Variants in DNAH11 observed in about 807,000 individuals in gnomAD.
DNAH11 encodes the protein dynein axonemal heavy chain 11.
In DNAH11, 442 loss-of-function variants were observed where a neutral mutation model predicts 526.0. The ratio of observed to expected loss-of-function variants is 0.84; its 90% CI spans 0.78 to 0.91. The LOEUF (loss-of-function observed/expected upper bound fraction) is 0.91. Among genes scored for constraint, DNAH11 ranks in the 40% least tolerant of loss-of-function variants. The pLI is 0.00. For synonymous variants in DNAH11, 2,461 were observed against 1,935.9 expected (o/e 1.27, Z -7.12); for missense variants, 6,989 against 5,448.7 (o/e 1.28, Z -8.90).
chr7:21,570,447 T>C, intron 7 of DNAH11, 148 bp downstream of exon 7: 1 of 596,206 alleles, frequency 1.7e-6, no homozygotes, highest in Non-Finnish European at 2.8e-6. Context: ...AGCAGGCCAA[T>C]GCTATGATGA....
intron 79 of DNAH11, among the ~76,000 whole-genome samples, chr7:21,896,312 A>C (rs1043116741): frequency 1.3e-5 from 2 of 152,078 alleles, no homozygotes; most frequent in South Asian, 2.1e-4. Flanking sequence ...GTGTTTCTGA[A>C]ACTGTCCTCA....
chr7:21,577,501 G>C (rs1784142037), intron 8 of DNAH11, among the ~76,000 whole-genome samples: 1 of 152,160 alleles, frequency 6.6e-6, no homozygotes, highest in South Asian at 2.1e-4. Flanking sequence ...CACCCAGCCT[G>C]ATGTTGGAGC....
chr7:21,750,230 C>G lies in DNAH11; in HGVS notation c.8806C>G (p.Pro2936Ala). The G allele has an allele frequency of 6.2e-7, 1 of 1,601,950 alleles. No homozygotes were observed. The highest frequency in any genetic ancestry group is 8.5e-7 in the Non-Finnish European group (1 of 1,174,862). The change falls in exon 54 of 82, where the codon CCA (proline) becomes GCA (alanine). Residue 2936 changes from proline to alanine, a missense_variant. Physicochemically the swap from Pro to Ala is conservative, Grantham distance 27. Coordinates refer to ENST00000409508, the MANE Select transcript of DNAH11 (RefSeq NM_001277115.2). Reference protein sequence around the residue: ...INDLLASGEIPDLFSDEDVDK... With the variant: ...INDLLASGEIADLFSDEDVDK... Reference sequence around the variant, plus strand: ...CTCATTCTTTGGGGCAGGAGAAATCCCAGATCTGTTCAGCGATGAAGATGT... The same window carrying G: ...CTCATTCTTTGGGGCAGGAGAAATCGCAGATCTGTTCAGCGATGAAGATGT...
Position 21,658,879 on chromosome 7 carries a change from G to A in DNAH11, c.5176G>A (p.Glu1726Lys), listed in dbSNP as rs373580829. The part of the protein sequence containing the change: ...HSITEAIVAY[E>K]EKPRELWIFD... ...TATAACAGAAGCCATAGTGGCCTAC[G>A]AGGAAAAACCTAGGGAACTGTGGAT... Residue 1726 changes from glutamate (E) to lysine (K), a missense_variant, in exon 30 of 82, where the codon GAG (glutamate) becomes AAG (lysine). Physicochemically the swap from Glu to Lys is moderately conservative, Grantham distance 56. Coordinates refer to ENST00000409508, the MANE Select transcript of DNAH11 (RefSeq NM_001277115.2). The A allele has an allele frequency of 1.6e-5, 26 of 1,608,788 alleles. No homozygotes were observed. The highest frequency in any genetic ancestry group is 1.3e-4 in the Admixed American group (8 of 59,262).
rs79216937 is a variant in DNAH11, at chr7:21,582,825, G to T, written c.1710+804G>T. ...ATCATGGATATAATTCATTGAGAAT[G>T]GCAGTGCCAAACAATATAGCAGACA... On this transcript the variant is annotated intron_variant, in intron 9 of 81. Transcript: ENST00000409508. 3.1e-3 allele frequency among the ~76,000 whole-genome samples: 467 copies of T among 152,268 alleles called. 10 individuals are homozygous for T. In the East Asian group the frequency reaches 0.081, roughly 26 times the overall value.
intron 25 of DNAH11, among the ~76,000 whole-genome samples, chr7:21,631,053 A>T (rs1177471886): frequency 6.6e-6 from 1 of 152,192 alleles, no homozygotes; most frequent in Non-Finnish European, 1.5e-5. Context: ...TTACAGTTCC[A>T]TGTGGCTAGG....
chr7:21,867,678 T>C (rs942954095), intron 71 of DNAH11, among the ~76,000 whole-genome samples, 181 bp from the exon 72 acceptor site: 1 of 152,172 alleles, frequency 6.6e-6, no homozygotes, highest in African/African-American at 2.4e-5. Flanking sequence ...AAGAGAAGGA[T>C]TTCATTGACA....
intron 28 of DNAH11, among the ~76,000 whole-genome samples, chr7:21,655,438 C>T (rs1781972092): frequency 6.6e-6 from 1 of 152,154 alleles, no homozygotes; most frequent in South Asian, 2.1e-4. Flanking sequence ...TCATTTCAGA[C>T]ATTTTAATAG....
intron 62 of DNAH11, among the ~76,000 whole-genome samples, chr7:21,803,546 A>C (rs1789094624): frequency 6.6e-6 from 1 of 152,064 alleles, no homozygotes; most frequent in Admixed American, 6.6e-5. Flanking sequence ...CTCCCACTTA[A>C]GTTTCTTTAG....
chr7:21,711,656 C>A lies in DNAH11; in HGVS notation c.6835-56C>A, dbSNP rs145349875. ...TGGTAGGGGAAAGTACTTGTTGCTT[C>A]TGGATGTTTGCGGCATTGCTTTTGC... On this transcript the variant is annotated intron_variant, in intron 41 of 81. Coordinates refer to ENST00000409508, the MANE Select transcript of DNAH11 (RefSeq NM_001277115.2). 14,581 of 1,580,440 alleles carry A rather than the reference C, an allele frequency of 9.2e-3. 114 individuals carry two copies. The highest frequency in any genetic ancestry group is 0.013 in the South Asian group (1,100 of 85,904).
intron 54 of DNAH11, among the ~76,000 whole-genome samples, chr7:21,757,047 G>A (rs1333663815): frequency 1.3e-5 from 2 of 152,172 alleles, no homozygotes; most frequent in African/African-American, 4.8e-5. Flanking sequence ...GCCATTGGAT[G>A]GAGGGAAGGA....
chr7:21,857,660 C>T lies in DNAH11; in HGVS notation c.11202+3205C>T, dbSNP rs574761313. On this transcript the variant is annotated intron_variant, in intron 68 of 81. Coordinates refer to ENST00000409508, the MANE Select transcript of DNAH11 (RefSeq NM_001277115.2). ...GATCTGTGGAACAGATTGGAGAATC[C>T]CGAGGTACACCCACAAATGCATGGT... 3.3e-5 allele frequency among the ~76,000 whole-genome samples: 5 copies of T among 152,142 alleles called. No homozygotes were observed. The South Asian group carries it at 8.3e-4, about 25-fold the overall frequency.
intron 63 of DNAH11, among the ~76,000 whole-genome samples, chr7:21,811,398 G>A (rs1327609385): frequency 1.3e-5 from 2 of 152,040 alleles, no homozygotes; most frequent in Admixed American, 6.6e-5. Flanking sequence ...GGAAGTTGCA[G>A]TGAGCCGAGA....
At chr7:21,629,487 A>G (rs1786499200) in intron 25 of DNAH11, among the ~76,000 whole-genome samples, 1 of 152,106 alleles carries the variant, frequency 6.6e-6, no homozygotes, top group Non-Finnish European at 1.5e-5. Flanking sequence ...AGATCTGTCC[A>G]TTTCTAAGAA....
At chr7:21,779,183 A>G (rs1227497096) in intron 57 of DNAH11, 79 bp downstream of exon 57, 2 of 1,491,180 alleles carry the variant, frequency 1.3e-6, no homozygotes, top group Non-Finnish European at 1.8e-6. Context: ...AATTTTGAAC[A>G]ACTTCCTCTC....
chr7:21,899,045 A>G (rs1784636566), intron 79 of DNAH11, among the ~76,000 whole-genome samples: 1 of 152,240 alleles, frequency 6.6e-6, no homozygotes, highest in Non-Finnish European at 1.5e-5. Flanking sequence ...GTCACCACAT[A>G]GCATGAAGAG....
chr7:21,619,815 C>A, intron 24 of DNAH11, 141 bp from the exon 25 acceptor site: 1 of 726,650 alleles, frequency 1.4e-6, no homozygotes, highest in Non-Finnish European at 2.2e-6. Context: ...GCATGAATTA[C>A]TTGGAGGAAA....
intron 79 of DNAH11, among the ~76,000 whole-genome samples, chr7:21,898,279 T>C (rs954450396): frequency 1.3e-5 from 2 of 152,226 alleles, no homozygotes; most frequent in African/African-American, 2.4e-5. Flanking sequence ...AGTATGCTTT[T>C]TCGGATCCAG....
intron 25 of DNAH11, among the ~76,000 whole-genome samples, chr7:21,631,628 C>T (rs1468586269): frequency 6.6e-6 from 1 of 152,198 alleles, no homozygotes; most frequent in Non-Finnish European, 1.5e-5. Flanking sequence ...CTTAAAGCTC[C>T]AGAATGATCT....
Sources: allele counts gnomAD v4.1 joint callset (sites outside exome capture counted in the v4.1 genomes callset), GRCh38; gene constraint gnomAD v4.1.1; transcripts MANE v1.5; gene names NCBI Gene and HGNC (gene_info 2026-07-23, HGNC 2026-07-21).